RBPJ: variants seen among roughly 807,000 people sequenced by gnomAD.
The protein encoded by RBPJ is recombination signal binding protein for immunoglobulin kappa J region, also known as recombining binding protein suppressor of hairless.
A neutral mutation model predicts 67.8 loss-of-function variants in RBPJ; 9 were observed. The observed-to-expected ratio is 0.13, with a 90% CI of 0.08 to 0.23. The LOEUF (loss-of-function observed/expected upper bound fraction) is 0.23. Among genes scored for constraint, RBPJ ranks in the 10% least tolerant of loss-of-function variants. The pLI is 1.00. For missense variants in RBPJ, 305 were observed against 595.6 expected (o/e 0.51, Z 5.08); for synonymous variants, 198 against 203.3 (o/e 0.97, Z 0.22).
At chr4:26,211,996 G>A (rs1178586123) in intron 1 of RBPJ, among the ~76,000 whole-genome samples, 1 of 152,272 alleles carries the variant, frequency 6.6e-6, no homozygotes, top group South Asian at 2.1e-4. Flanking sequence ...AAGATTGCCA[G>A]CAAGCACAGA....
At position 26,235,794 on chromosome 4, in the gene RBPJ, G is replaced by A. The variant is rs559281232; in HGVS notation, c.-167+72180G>A. Reference sequence around the variant, plus strand: ...AGCCTGCCTCTTCAGTCTCCTGCCAGTTAGGACTGGATCCTGATGAGCTAA... The same window carrying A: ...AGCCTGCCTCTTCAGTCTCCTGCCAATTAGGACTGGATCCTGATGAGCTAA... On this transcript the variant is annotated intron_variant, in intron 1 of 4. Coordinates refer to the RBPJ transcript ENST00000512351. Among the ~76,000 whole-genome samples, 309 of 152,330 alleles carry A rather than the reference G, an allele frequency of 2.0e-3. 1 individual carries two copies. Among genetic ancestry groups the A allele is most frequent in the African/African-American group, 7.3e-3 (302 of 41,568 alleles).
In RBPJ at chr4:26,194,527, G is replaced by A. The variant is rs115724255; in HGVS notation, c.-167+30913G>A. 9.8e-3 allele frequency among the ~76,000 whole-genome samples: 1,492 copies of A among 152,286 alleles called. 21 individuals carry two copies. The highest frequency in any genetic ancestry group is 0.034 in the African/African-American group (1,404 of 41,552). On this transcript the variant is annotated intron_variant, in intron 1 of 4. Transcript: ENST00000512351. Reference sequence around the variant, plus strand: ...TCATGAAGATGAAATAACTTGTTCCGTGCCACACAGCCTATCAGTGATGGA... The same window carrying A: ...TCATGAAGATGAAATAACTTGTTCCATGCCACACAGCCTATCAGTGATGGA...
At chr4:26,347,065 A>G (rs1241282861) in intron 1 of RBPJ, among the ~76,000 whole-genome samples, 1 of 152,214 alleles carries the variant, frequency 6.6e-6, no homozygotes, top group African/African-American at 2.4e-5. Context: ...ACGTGTTGCC[A>G]GGGGAACAGT....
the RBPJ span, among the ~76,000 whole-genome samples, chr4:26,144,267 CTTTTTTTT>C: frequency 8.5e-5 from 9 of 106,064 alleles, no homozygotes; most frequent in Non-Finnish European, 1.4e-4. Flanking sequence ...TAAGAAAATT[CTTTTTTTT>C]TTTTTTTTTT....
upstream of RBPJ, chr4:26,319,873 A>C (rs1178784409): frequency 6.4e-7 from 1 of 1,562,212 alleles, no homozygotes; most frequent in Non-Finnish European, 8.8e-7. Context: ...AGGAGGGGAA[A>C]GATGGGGGGC....
intron 3 of RBPJ, among the ~76,000 whole-genome samples, chr4:26,407,760 G>C (rs1733580454): frequency 6.6e-6 from 1 of 151,992 alleles, no homozygotes; most frequent in Non-Finnish European, 1.5e-5. Flanking sequence ...CTCAGCTTAT[G>C]CTTAAGAGAA....
chr4:26,209,098 A>AAATAT lies in RBPJ; in HGVS notation c.-167+45485_-167+45486insATATA, dbSNP rs1553848907. 3.3e-3 allele frequency among the ~76,000 whole-genome samples: 488 copies of AAATAT among 146,994 alleles called. 4 individuals are homozygous for AAATAT. The highest frequency in any genetic ancestry group is 0.011 in the African/African-American group (438 of 40,144). ...ATAACCAGCATTACAGAAGAAAAAAAATATATATATATATATAAAAGCATT... is the reference window on the plus strand; with the variant it reads ...ATAACCAGCATTACAGAAGAAAAAAAAATATATATATATATATATATAAAAGCATT... On this transcript the variant is annotated intron_variant, in intron 1 of 4. Transcript: ENST00000512351.
chr4:26,270,441 A>AAAGAAAGAAAGAAAG (rs1560238059), intron 1 of RBPJ, among the ~76,000 whole-genome samples: 41 of 116,378 alleles, frequency 3.5e-4, no homozygotes, highest in African/African-American at 5.2e-4. Flanking sequence ...AAGAAAGAAG[A>AAAGAAAGAAAGAAAG]AAGAAAGAAA....
intron 1 of RBPJ, among the ~76,000 whole-genome samples, chr4:26,258,076 A>G (rs1433668874): frequency 1.3e-5 from 2 of 152,228 alleles, no homozygotes; most frequent in Non-Finnish European, 2.9e-5. Context: ...AATGTGTTGT[A>G]AGAATACCAG....
chr4:26,342,438 T>C (rs1725643003), intron 1 of RBPJ, among the ~76,000 whole-genome samples: 1 of 152,200 alleles, frequency 6.6e-6, no homozygotes. Flanking sequence ...TATCTCCAGA[T>C]TTCAGTTCCA....
upstream of RBPJ, among the ~76,000 whole-genome samples, chr4:26,158,955 C>T (rs1034609990): frequency 6.8e-6 from 1 of 146,794 alleles, no homozygotes; most frequent in Non-Finnish European, 1.5e-5. Flanking sequence ...TTCTCTCTCT[C>T]TCTCTCTCTC....
At chr4:26,135,860 C>A in the RBPJ span, among the ~76,000 whole-genome samples, 1 of 152,104 alleles carries the variant, frequency 6.6e-6, no homozygotes, top group African/African-American at 2.4e-5. Flanking sequence ...GGCAGCTCTG[C>A]TTGAAGAAGA....
chr4:26,386,711 T>G (rs2109636916), intron 2 of RBPJ, among the ~76,000 whole-genome samples: 1 of 152,346 alleles, frequency 6.6e-6, no homozygotes. Flanking sequence ...ATTTGTTGAT[T>G]GCAGGTAAGA....
At chr4:26,427,233 GGGTGACTCTTAA>G (rs1412094937) in intron 7 of RBPJ, among the ~76,000 whole-genome samples, 6 of 152,130 alleles carry the variant, frequency 3.9e-5, no homozygotes, top group Non-Finnish European at 5.9e-5. Context: ...AAGGCATCAA[GGGTGACTCTTAA>G]GGTTTTTGGA....
upstream of RBPJ, chr4:26,320,775 T>G (rs774536701): frequency 1.3e-6 from 2 of 1,554,648 alleles, no homozygotes; most frequent in South Asian, 2.4e-5. Context: ...CACGGAGGGC[T>G]CGCCCGCGGA....
intron 1 of RBPJ, among the ~76,000 whole-genome samples, chr4:26,340,857 C>T (rs1220443514): frequency 1.1e-5 from 1 of 90,922 alleles, no homozygotes; most frequent in Admixed American, 1.3e-4. Flanking sequence ...GACTCCGTCT[C>T]AAAAAAAAAC....
At chr4:26,282,006 C>T (rs1440355814) in intron 1 of RBPJ, among the ~76,000 whole-genome samples, 1 of 152,112 alleles carries the variant, frequency 6.6e-6, no homozygotes, top group Admixed American at 6.5e-5. Flanking sequence ...GGCAACTTCC[C>T]CTGACAGATT....
chr4:26,231,380 C>G (rs1374010429), intron 1 of RBPJ, among the ~76,000 whole-genome samples: 1 of 149,486 alleles, frequency 6.7e-6, no homozygotes, highest in Non-Finnish European at 1.5e-5. Flanking sequence ...GTACCTAATA[C>G]TTTTTTTTTA....
intron 1 of RBPJ, among the ~76,000 whole-genome samples, chr4:26,371,079 CAAAA>C (rs557453784): frequency 1.2e-5 from 1 of 81,990 alleles, no homozygotes; most frequent in Non-Finnish European, 2.6e-5. Context: ...GACTCCATCT[CAAAA>C]AAAAAAAAAA....
Sources: allele counts gnomAD v4.1 joint callset (sites outside exome capture counted in the v4.1 genomes callset), GRCh38; gene constraint gnomAD v4.1.1; transcripts MANE v1.5; gene names NCBI Gene and HGNC (gene_info 2026-07-23, HGNC 2026-07-21).